DYSF: variants seen among roughly 807,000 people sequenced by gnomAD.
The protein encoded by DYSF is dysferlin.
DYSF carries 212 observed loss-of-function variants against 274.9 expected under a neutral mutation model. The observed-to-expected ratio is 0.77, with a 90% CI of 0.69 to 0.86. DYSF has a LOEUF of 0.86. DYSF is among the 40% of genes least tolerant of loss of function. DYSF has a pLI of 0.00. For missense variants in DYSF, 2,666 were observed against 2,783.2 expected, an observed-to-expected ratio of 0.96 and a Z score of 0.95; for synonymous variants, 1,091 against 1,078.7, an observed-to-expected ratio of 1.01 and a Z score of -0.22.
intron 43 of DYSF, among the ~76,000 whole-genome samples, chr2:71,657,279 G>A (rs779103807): frequency 1.4e-4 from 22 of 152,300 alleles, no homozygotes; most frequent in African/African-American, 2.4e-4. Context: ...TCATGCTGAC[G>A]CAAAAGGTAG....
chr2:71,454,148 C>T, intron 1 of DYSF: 1 of 1,505,610 alleles, frequency 6.6e-7, no homozygotes, highest in South Asian at 1.2e-5. Flanking sequence ...GACGCCGCGG[C>T]TCTCAACCCT....
Position 71,569,923 on chromosome 2 carries a change from T to C in DYSF, c.2968T>C (p.Tyr990His). The C allele has an allele frequency of 6.2e-7, 1 of 1,613,990 alleles. No homozygotes were observed. The highest frequency in any genetic ancestry group is 1.7e-5 in the Admixed American group (1 of 60,020). Reference protein sequence around the residue: ...GGQWIYMSDNYTDVNGEKVLP... With the variant: ...GGQWIYMSDNHTDVNGEKVLP... ...CCAGTGGATCTACATGAGTGACAAC[T>C]ACACCGATGTGGTAAAGCAGGCACT... is the stretch of plus-strand genomic sequence containing the variant. Residue 990 changes from tyrosine (Y) to histidine (H), a missense_variant, in exon 27 of 56, where the codon TAC becomes CAC. This residue lies in a region of DYSF where 1,460 missense variants were observed against 1,502.1 expected (regional missense o/e 0.97). Coordinates refer to ENST00000410020, the MANE Select transcript of DYSF (RefSeq NM_001130987.2).
intron 17 of DYSF, among the ~76,000 whole-genome samples, chr2:71,550,110 T>C (rs1420782688): frequency 6.6e-6 from 1 of 152,244 alleles, no homozygotes; most frequent in African/African-American, 2.4e-5. Flanking sequence ...GGCCCATCCT[T>C]GTGTGGACTG....
intron 3 of DYSF, 77 bp from the exon 4 acceptor site, chr2:71,503,137 G>A (rs944130728): frequency 5.4e-6 from 7 of 1,290,574 alleles, no homozygotes; most frequent in Non-Finnish European, 7.9e-6. Context: ...CATCTGAGTG[G>A]TGGCAGTGAG....
chr2:71,660,225 C>T (rs1364791426), intron 44 of DYSF, among the ~76,000 whole-genome samples: 1 of 152,234 alleles, frequency 6.6e-6, no homozygotes, highest in Non-Finnish European at 1.5e-5. Flanking sequence ...AAGCAGAGGT[C>T]ACAGAGAGGA....
chr2:71,537,526 G>A (rs550252886), intron 16 of DYSF, among the ~76,000 whole-genome samples: 6 of 152,206 alleles, frequency 3.9e-5, no homozygotes, highest in Admixed American at 6.5e-5. Context: ...GATTATGGGC[G>A]TGAGCCACCG....
intron 44 of DYSF, among the ~76,000 whole-genome samples, chr2:71,659,727 AGG>A: frequency 6.6e-6 from 1 of 152,224 alleles, no homozygotes; most frequent in African/African-American, 2.4e-5. Context: ...TGAGATGGAG[AGG>A]GGAGATTTGA....
intron 51 of DYSF, among the ~76,000 whole-genome samples, chr2:71,672,625 G>C (rs907543538): frequency 1.3e-5 from 2 of 152,154 alleles, no homozygotes; most frequent in South Asian, 2.1e-4. Flanking sequence ...CTGGGACCTG[G>C]GGGGGTTCAT....
chr2:71,587,054 G>A (rs1170365167), intron 30 of DYSF, among the ~76,000 whole-genome samples: 4 of 152,194 alleles, frequency 2.6e-5, no homozygotes. Flanking sequence ...TATTTCCAGC[G>A]TCCTAACCAG....
rs76216374 is a variant in DYSF at position 71,623,835 on chromosome 2, C to T, written c.4527+3226C>T. Among the ~76,000 whole-genome samples, 1,430 of 152,118 alleles carry T rather than the reference C, an allele frequency of 9.4e-3. 26 individuals are homozygous for T. Among genetic ancestry groups the T allele is most frequent in the African/African-American group, 0.032 (1,318 of 41,492 alleles). On this transcript the variant is annotated intron_variant, in intron 41 of 55. Coordinates refer to ENST00000410020, the MANE Select transcript of DYSF (RefSeq NM_001130987.2). ...CCTGTAATCCAGCACTTTGGGAGGTCGAGGTAGGCAAATTGCTTGAGCACA... is the reference window on the plus strand; with the variant it reads ...CCTGTAATCCAGCACTTTGGGAGGTTGAGGTAGGCAAATTGCTTGAGCACA...
At chr2:71,550,335 A>T (rs2090840012) in intron 17 of DYSF, among the ~76,000 whole-genome samples, 1 of 152,228 alleles carries the variant, frequency 6.6e-6, no homozygotes, top group East Asian at 1.9e-4. Flanking sequence ...GAATGTGGAG[A>T]GATTTCCCCT....
intron 40 of DYSF, among the ~76,000 whole-genome samples, chr2:71,618,568 T>TGTGGGGTAGAGTTGTGTGTG (rs2093996474): frequency 1.7e-4 from 3 of 17,540 alleles, no homozygotes; most frequent in African/African-American, 2.7e-4. Flanking sequence ...GAGTGTGTGT[T>TGTGGGGTAGAGTTGTGTGTG]TGTGTGGGGT....
intron 40 of DYSF, among the ~76,000 whole-genome samples, chr2:71,618,291 T>C: frequency 7.9e-6 from 1 of 126,334 alleles, no homozygotes. Context: ...TAGAGGTGTG[T>C]GTGTGGTAGA....
chr2:71,613,451 C>A (rs774688255), intron 40 of DYSF, 41 bp downstream of exon 40: 3 of 1,527,040 alleles, frequency 2.0e-6, no homozygotes, highest in Non-Finnish European at 2.7e-6. Context: ...GTCACCTTTC[C>A]CCTCCATTCC....
intron 41 of DYSF, among the ~76,000 whole-genome samples, chr2:71,631,795 C>G (rs2094318434): frequency 6.6e-6 from 1 of 151,988 alleles, no homozygotes; most frequent in African/African-American, 2.4e-5. Flanking sequence ...GGCGCCTTTT[C>G]CCTGCTTGGC....
rs373083646 is a variant in DYSF, at chr2:71,548,631, C to T, written c.1577-2410C>T. ...ATACATGTGCCAGAGCATTTCCTTC[C>T]GTGCTTTTCTTATTTCTAGACATTC... On this transcript the variant is annotated intron_variant, in intron 17 of 55. Coordinates refer to ENST00000410020, the MANE Select transcript of DYSF (RefSeq NM_001130987.2). 6.6e-4 allele frequency among the ~76,000 whole-genome samples: 100 copies of T among 152,294 alleles called. No homozygotes were observed. In the South Asian group the frequency reaches 0.016, roughly 24 times the overall value.
At chr2:71,516,427 C>T (rs2086663245) in intron 9 of DYSF, among the ~76,000 whole-genome samples, 185 bp downstream of exon 9, 2 of 152,168 alleles carry the variant, frequency 1.3e-5, no homozygotes, top group South Asian at 4.1e-4. Context: ...TAAAGCCTGA[C>T]ATATGGATGA....
intron 5 of DYSF, among the ~76,000 whole-genome samples, chr2:71,512,515 C>G (rs1286674493): frequency 2.6e-5 from 4 of 152,188 alleles, no homozygotes; most frequent in African/African-American, 9.6e-5. Flanking sequence ...AAGTGCTGTG[C>G]CTGTCTCAGC....
chr2:71,644,770 A>G (rs775126876), intron 42 of DYSF, among the ~76,000 whole-genome samples: 1 of 152,248 alleles, frequency 6.6e-6, no homozygotes, highest in African/African-American at 2.4e-5. Context: ...AAGGAGTTGC[A>G]TGGTCTCCTG....
Sources: gnomAD v4.1 joint callset for allele counts (sites outside exome capture counted in the v4.1 genomes callset) on GRCh38, gnomAD v4.1.1 for gene constraint, gnomAD v4.1.1 regional missense constraint, MANE v1.5 for transcripts, NCBI Gene and HGNC (gene_info 2026-07-23, HGNC 2026-07-21) for gene names.